The following TNS1 variants were observed in gnomAD, a reference collection of about 807,000 sequenced individuals.
The protein encoded by TNS1 is tensin-1.
A neutral mutation model predicts 168.6 loss-of-function variants in TNS1; 62 were observed. The ratio of observed to expected loss-of-function variants is 0.37; its 90% CI spans 0.30 to 0.45. The LOEUF is 0.45. Among genes scored for constraint, TNS1 ranks in the 20% least tolerant of loss-of-function variants. The probability of loss-of-function intolerance (pLI) is 1.00; values close to 1 mark genes in which losing one functional copy is unlikely to be tolerated. For synonymous variants in TNS1, 934 were observed against 933.2 expected, an observed-to-expected ratio of 1.00 and a Z score of -0.02; for missense variants, 2,240 against 2,339.4, an observed-to-expected ratio of 0.96 and a Z score of 0.88.
intron 3 of TNS1, among the ~76,000 whole-genome samples, chr2:217,969,472 A>G (rs1439327477): frequency 6.6e-6 from 1 of 152,188 alleles, no homozygotes; most frequent in Non-Finnish European, 1.5e-5. Context: ...CTAGACTTCA[A>G]CTAAATTCAA....
At chr2:218,005,122 C>T (rs151196677), upstream of TNS1, among the ~76,000 whole-genome samples, 3 of 152,356 alleles carry the variant, frequency 2.0e-5, no homozygotes, top group Non-Finnish European at 4.4e-5. Context: ...CCTGACATCC[C>T]AGTGCCCACT....
At chr2:218,010,608 G>A (rs1311788087), upstream of TNS1, among the ~76,000 whole-genome samples, 1 of 151,838 alleles carries the variant, frequency 6.6e-6, no homozygotes, top group Non-Finnish European at 1.5e-5. Flanking sequence ...GGGGGAGGCG[G>A]GAGGGGAGCC....
intron 3 of TNS1, among the ~76,000 whole-genome samples, chr2:217,928,266 G>T (rs958013607): frequency 2.0e-5 from 3 of 152,228 alleles, no homozygotes; most frequent in African/African-American, 7.2e-5. Flanking sequence ...AAAGACACTG[G>T]CCTCCCAGGC....
chr2:217,960,186 C>G (rs1294770027), intron 3 of TNS1, among the ~76,000 whole-genome samples: 1 of 152,166 alleles, frequency 6.6e-6, no homozygotes, highest in Non-Finnish European at 1.5e-5. Flanking sequence ...CATCCAGGAA[C>G]AGGACATCCA....
intron 1 of TNS1, among the ~76,000 whole-genome samples, chr2:218,027,681 T>G (rs1559414816): frequency 1.3e-5 from 2 of 152,032 alleles, no homozygotes; most frequent in Non-Finnish European, 2.9e-5. Context: ...AGATGTCATG[T>G]GTATGCATGG....
At chr2:217,864,919 C>G (rs932524827) in intron 18 of TNS1, among the ~76,000 whole-genome samples, 2 of 152,110 alleles carry the variant, frequency 1.3e-5, no homozygotes, top group African/African-American at 2.4e-5. Flanking sequence ...AGTTGGGGTA[C>G]GCAGTGGGGC....
At chr2:217,858,222 A>G (rs1948393465) in intron 18 of TNS1, among the ~76,000 whole-genome samples, 1 of 151,654 alleles carries the variant, frequency 6.6e-6, no homozygotes, top group Non-Finnish European at 1.5e-5. Context: ...CCCCCCACCA[A>G]CCCAGATACC....
intron 3 of TNS1, among the ~76,000 whole-genome samples, chr2:217,951,789 A>C (rs910057684): frequency 6.6e-6 from 1 of 152,202 alleles, no homozygotes; most frequent in Non-Finnish European, 1.5e-5. Context: ...ACAGCCACGC[A>C]ATCACTGGAA....
intron 22 of TNS1, chr2:217,829,958 C>G (rs1279185806): frequency 1.3e-6 from 2 of 1,573,936 alleles, no homozygotes; most frequent in Admixed American, 4.0e-5. Context: ...TGAGGAAGAG[C>G]AAAAAAGGAA....
At chr2:217,830,610 G>T (rs1288340934) in intron 22 of TNS1, among the ~76,000 whole-genome samples, 1 of 152,198 alleles carries the variant, frequency 6.6e-6, no homozygotes, top group Non-Finnish European at 1.5e-5. Flanking sequence ...CCTTCTCCCA[G>T]ACAGGCCCAG....
In TNS1 at chr2:217,923,279, G is replaced by A. The variant is rs369731045; in HGVS notation, c.187-3043C>T. On this transcript the variant is annotated intron_variant, in intron 3 of 32. Coordinates refer to ENST00000682258, the MANE Select transcript of TNS1 (RefSeq NM_001387777.1). ...GCCCCCTTCCCCCAGTGGACCTCAA[G>A]CAAACCATTTAGACATTGGGAACTG... is the stretch of plus-strand genomic sequence containing the variant. 3.3e-5 allele frequency among the ~76,000 whole-genome samples: 5 copies of A among 152,206 alleles called. No individual in the cohort carries two copies. The East Asian group carries it at 9.6e-4, about 29-fold the overall frequency.
chr2:217,839,308 G>A (rs954790615), intron 19 of TNS1, among the ~76,000 whole-genome samples: 1 of 152,104 alleles, frequency 6.6e-6, no homozygotes, highest in Non-Finnish European at 1.5e-5. Flanking sequence ...GGAGCCCTGG[G>A]CGTTCTCTAA....
intron 18 of TNS1, among the ~76,000 whole-genome samples, chr2:217,865,548 A>G (rs1949195366): frequency 6.6e-6 from 1 of 152,216 alleles, no homozygotes. Context: ...ACATCAAAGA[A>G]CACTTTGCTG....
intron 1 of TNS1, among the ~76,000 whole-genome samples, chr2:217,994,597 G>A (rs1185897210): frequency 6.6e-6 from 1 of 152,172 alleles, no homozygotes; most frequent in Non-Finnish European, 1.5e-5. Context: ...CACAGTTGGG[G>A]CAGCAGAGTC....
chr2:217,811,199 A>T (rs1940834491), intron 28 of TNS1, among the ~76,000 whole-genome samples: 1 of 152,138 alleles, frequency 6.6e-6, no homozygotes, highest in African/African-American at 2.4e-5. Flanking sequence ...ATTTTTTAAC[A>T]AGTCCCTGGG....
chr2:217,818,189 C>T lies in TNS1; in HGVS notation c.4143G>A (p.Gly1381=). Reference sequence around the variant, plus strand: ...CGGAGGCCAGGTTGCCTTGGTGAGCCCCAGGGTGCCGGCCCAGGCTGGGAC... The same window carrying T: ...CGGAGGCCAGGTTGCCTTGGTGAGCTCCAGGGTGCCGGCCCAGGCTGGGAC... ...PGSPSLGRHP[G]AHQGNLASGL... is the part of the protein sequence containing the mutation. Residue 1381 remains glycine (G), a synonymous_variant, in exon 24 of 33, where the codon GGG becomes GGA. Coordinates refer to ENST00000682258, the MANE Select transcript of TNS1 (RefSeq NM_001387777.1). The T allele has an allele frequency of 2.5e-6, 4 of 1,613,642 alleles. No individual in the cohort carries two copies. The highest frequency in any genetic ancestry group is 3.4e-6 in the Non-Finnish European group (4 of 1,179,858).
At chr2:217,892,804 G>C (rs1951869029) in intron 11 of TNS1, 144 bp downstream of exon 11, 2 of 873,834 alleles carry the variant, frequency 2.3e-6, no homozygotes, top group Admixed American at 2.8e-5. Context: ...TCAGAGCCAG[G>C]GGCCCCTTCC....
chr2:217,866,850 G>A (rs1003143291), intron 18 of TNS1, among the ~76,000 whole-genome samples: 3 of 152,194 alleles, frequency 2.0e-5, no homozygotes, highest in Non-Finnish European at 2.9e-5. Flanking sequence ...ATTGGGCAGA[G>A]CTGGACAGGC....
chr2:217,816,718 A>C (rs1941944016), intron 24 of TNS1, among the ~76,000 whole-genome samples: 1 of 152,094 alleles, frequency 6.6e-6, no homozygotes, highest in African/African-American at 2.4e-5. Flanking sequence ...GAAGTTTTGC[A>C]TCCTTCAAGG....
Sources: gnomAD v4.1 joint callset for allele counts (sites outside exome capture counted in the v4.1 genomes callset) on GRCh38, gnomAD v4.1.1 for gene constraint, MANE v1.5 for transcripts, NCBI Gene and HGNC (gene_info 2026-07-23, HGNC 2026-07-21) for gene names.